The following MMP26 variants were observed in gnomAD, a reference collection of about 807,000 sequenced individuals.
The protein encoded by MMP26 is matrix metalloproteinase-26.
In MMP26, 33 loss-of-function variants were observed where a neutral mutation model predicts 31.0. That is an observed-to-expected ratio of 1.06 (90% CI 0.81 to 1.42). The LOEUF is 1.42. Among genes scored for constraint, MMP26 ranks in the 40% most tolerant of loss-of-function variants. The pLI is 0.00. For missense variants in MMP26, 347 were observed against 316.1 expected (o/e 1.10, Z -0.74); for synonymous variants, 122 against 114.9 (o/e 1.06, Z -0.40).
At chr11:4,870,295 G>T (rs1015248393) in intron 2 of MMP26, among the ~76,000 whole-genome samples, 27 of 152,122 alleles carry the variant, frequency 1.8e-4, no homozygotes, top group African/African-American at 5.1e-4. Context: ...TGTAAATAAT[G>T]TATTATCTTT....
chr11:4,765,960 T>G (rs549288725), intron 1 of MMP26, among the ~76,000 whole-genome samples: 17 of 152,326 alleles, frequency 1.1e-4, no homozygotes, highest in Admixed American at 9.8e-4. Context: ...TAGCTAATTG[T>G]CACTCAGTAG....
chr11:4,766,456 G>C (rs1421570134), intron 1 of MMP26, among the ~76,000 whole-genome samples: 1 of 151,920 alleles, frequency 6.6e-6, no homozygotes, highest in African/African-American at 2.4e-5. Context: ...GGATACAGAT[G>C]TAACATCACA....
At position 4,955,418 on chromosome 11, in the gene MMP26, C is replaced by G. The variant is rs778652654; in HGVS notation, c.-144-32650C>G. 60 of 1,178,232 alleles carry G rather than the reference C, an allele frequency of 5.1e-5. 18 individuals are homozygous for G. In the South Asian group the frequency reaches 7.4e-4, roughly 15 times the overall value. The allele number at this position is 1,178,232 out of a possible 1,614,324, so 73.0% of individuals were successfully genotyped here. A position where few individuals can be genotyped will look rare whatever the true frequency, so the allele number is the denominator to read the frequency against. On this transcript the variant is annotated intron_variant, in intron 2 of 7. Coordinates refer to ENST00000380390, the MANE Select transcript of MMP26 (RefSeq NM_021801.5). ...ATGAATGAAGAATTCCTGGGCAAAG[C>G]AGGCACTAGAAGAAGTTTCAGGGGC...
intron 2 of MMP26, among the ~76,000 whole-genome samples, chr11:4,977,107 T>G (rs1000898940): frequency 9.2e-5 from 14 of 151,396 alleles, no homozygotes; most frequent in Admixed American, 8.5e-4. Context: ...AAATGTATTT[T>G]TACTGTTACT....
intron 1 of MMP26, among the ~76,000 whole-genome samples, chr11:4,730,903 C>T (rs1280415530): frequency 6.6e-6 from 1 of 152,078 alleles, no homozygotes; most frequent in Non-Finnish European, 1.5e-5. Flanking sequence ...CTTTCATTTC[C>T]AAACACCACA....
Position 4,990,609 on chromosome 11 carries a change from A to G in MMP26, c.332A>G (p.Tyr111Cys). ...KHTLTYRIINYPHDMKPSAVK... is the reference protein window; with the variant it reads ...KHTLTYRIINCPHDMKPSAVK... ...ATTGCTTTCCTCAGGATTATCAATT[A>G]CCCACATGATATGAAGCCATCCGCA... Residue 111 changes from tyrosine to cysteine, a missense_variant, in exon 5 of 8, where the codon TAC (tyrosine) becomes TGC (cysteine). Transcript: ENST00000380390. 6.2e-7 allele frequency: 1 copy of G among 1,612,664 alleles called. No individual in the cohort carries two copies. Among genetic ancestry groups the G allele is most frequent in the Non-Finnish European group, 8.5e-7 (1 of 1,179,092 alleles).
intron 2 of MMP26, among the ~76,000 whole-genome samples, chr11:4,925,148 A>T (rs189193882): frequency 2.8e-3 from 419 of 152,304 alleles, no homozygotes; most frequent in Non-Finnish European, 4.3e-3. Flanking sequence ...TCTTAGGAGC[A>T]TAGTACAGGT....
chr11:4,758,719 T>A (rs2133408342), intron 1 of MMP26, among the ~76,000 whole-genome samples: 1 of 152,222 alleles, frequency 6.6e-6, no homozygotes, highest in South Asian at 2.1e-4. Flanking sequence ...CAAAAACAAC[T>A]TCCACAGTTT....
intron 2 of MMP26, among the ~76,000 whole-genome samples, chr11:4,963,534 A>G (rs577654656): frequency 4.5e-4 from 69 of 152,292 alleles, no homozygotes; most frequent in Middle Eastern, 3.4e-3. Flanking sequence ...ACCAAAACGG[A>G]TATATAGACC....
chr11:4,730,586 AAC>A (rs1423836666), intron 1 of MMP26, among the ~76,000 whole-genome samples: 4 of 152,210 alleles, frequency 2.6e-5, no homozygotes, highest in African/African-American at 9.7e-5. Flanking sequence ...GAGGAATAGA[AAC>A]AGTTTGCCTT....
intron 2 of MMP26, among the ~76,000 whole-genome samples, chr11:4,933,565 G>T (rs1452880175): frequency 7.4e-5 from 11 of 149,484 alleles, no homozygotes; most frequent in South Asian, 2.1e-4. Context: ...TGTTTGTTTT[G>T]TTTTTTTTAT....
At chr11:4,788,234 G>C (rs1450843148) in intron 2 of MMP26, among the ~76,000 whole-genome samples, 1 of 151,994 alleles carries the variant, frequency 6.6e-6, no homozygotes, top group Non-Finnish European at 1.5e-5. Context: ...TGTGCTAACA[G>C]AGATTTTACT....
intron 2 of MMP26, among the ~76,000 whole-genome samples, chr11:4,772,636 T>G (rs1848741403): frequency 6.6e-6 from 1 of 152,238 alleles, no homozygotes; most frequent in Non-Finnish European, 1.5e-5. Context: ...TGCTGTTTTC[T>G]TGCATTAATA....
intron 1 of MMP26, among the ~76,000 whole-genome samples, chr11:4,717,927 C>T (rs868785566): frequency 2.6e-5 from 4 of 152,164 alleles, no homozygotes; most frequent in Admixed American, 6.5e-5. Flanking sequence ...ATCCATAATA[C>T]TTTCATACTG....
At chr11:4,831,732 G>A (rs1268375837) in intron 2 of MMP26, among the ~76,000 whole-genome samples, 2 of 152,110 alleles carry the variant, frequency 1.3e-5, no homozygotes, top group African/African-American at 4.8e-5. Flanking sequence ...GTTTGTGTGA[G>A]TACATGACCA....
At chr11:4,780,877 C>A (rs1383962853) in intron 2 of MMP26, among the ~76,000 whole-genome samples, 1 of 151,116 alleles carries the variant, frequency 6.6e-6, no homozygotes, top group Non-Finnish European at 1.5e-5. Flanking sequence ...ATAAATAAAT[C>A]TTTATAGGTA....
chr11:4,914,528 C>T (rs2133573081), intron 2 of MMP26: 2 of 522,382 alleles, frequency 3.8e-6, no homozygotes, highest in East Asian at 5.9e-5. Flanking sequence ...AAATTTACCA[C>T]ATCATATTAC....
rs1266648976 is a variant in MMP26, at chr11:4,882,245, G to T, written c.-144-105823G>T. ...TGCTTTCTCCTTGCTGGAGTCCTCG[G>T]TGCTGGTAGCCATGGCCTTTGACCG... On this transcript the variant is annotated intron_variant, in intron 2 of 7. Coordinates refer to ENST00000380390, the MANE Select transcript of MMP26 (RefSeq NM_021801.5). 3 of 1,613,778 alleles carry T rather than the reference G, an allele frequency of 1.9e-6. No individual in the cohort carries two copies. In the African/African-American group the frequency reaches 4.0e-5, roughly 22 times the overall value.
intron 2 of MMP26, among the ~76,000 whole-genome samples, chr11:4,930,286 G>A (rs945541559): frequency 1.3e-5 from 2 of 152,052 alleles, no homozygotes; most frequent in African/African-American, 4.8e-5. Flanking sequence ...GATCCCACTT[G>A]AAGAAACCAT....
Sources: allele counts gnomAD v4.1 joint callset (sites outside exome capture counted in the v4.1 genomes callset), GRCh38; gene constraint gnomAD v4.1.1; transcripts MANE v1.5; gene names NCBI Gene and HGNC (gene_info 2026-07-23, HGNC 2026-07-21).